C12orf56: variants seen among roughly 807,000 people sequenced by gnomAD.
C12orf56 encodes the protein uncharacterized protein C12orf56.
A neutral mutation model predicts 69.9 loss-of-function variants in C12orf56; 71 were observed. The ratio of observed to expected loss-of-function variants is 1.02; its 90% CI spans 0.84 to 1.24. The LOEUF (loss-of-function observed/expected upper bound fraction) is 1.24. Ranked by LOEUF, C12orf56 falls within the 50% of genes most tolerant of loss-of-function variation. C12orf56 has a pLI of 0.00. For synonymous variants in C12orf56, 276 were observed against 274.1 expected (o/e 1.01, Z -0.07); for missense variants, 732 against 738.5 (o/e 0.99, Z 0.10).
chr12:64,357,596 T>G (rs1043646125), intron 1 of C12orf56, among the ~76,000 whole-genome samples: 1 of 152,002 alleles, frequency 6.6e-6, no homozygotes, highest in Admixed American at 6.6e-5. Context: ...TTACTTTTTT[T>G]TGTAGAGATG....
At chr12:64,361,359 T>C (rs2039397951) in intron 1 of C12orf56, among the ~76,000 whole-genome samples, 1 of 152,182 alleles carries the variant, frequency 6.6e-6, no homozygotes, top group Non-Finnish European at 1.5e-5. Flanking sequence ...GGCTGAGACC[T>C]GCTGGGCCAC....
chr12:64,343,635 A>T (rs1487420987), intron 2 of C12orf56, among the ~76,000 whole-genome samples: 1 of 152,224 alleles, frequency 6.6e-6, no homozygotes, highest in African/African-American at 2.4e-5. Flanking sequence ...CACTTGGTTA[A>T]GCTTACAATA....
At position 64,267,031 on chromosome 12, in the gene C12orf56, A is replaced by T. The variant is rs906140942; in HGVS notation, c.*152T>A. Reference sequence around the variant, plus strand: ...TTAAAATTTTAAACTTCTCATAGAGAGGTATTGATGGAACATTCAATTAAA... The same window carrying T: ...TTAAAATTTTAAACTTCTCATAGAGTGGTATTGATGGAACATTCAATTAAA... On this transcript the variant is annotated 3_prime_UTR_variant, in exon 13 of 13. Coordinates refer to ENST00000543942, the MANE Select transcript of C12orf56 (RefSeq NM_001170633.2). The T allele has an allele frequency of 3.2e-5, 18 of 565,574 alleles. No individual in the cohort carries two copies. The highest frequency in any genetic ancestry group is 4.2e-5 in the Non-Finnish European group (14 of 330,908). 35.0% of individuals were successfully genotyped at this position (565,574 alleles called of 1,614,324 possible).
At chr12:64,356,512 G>C (rs934916774) in intron 1 of C12orf56, among the ~76,000 whole-genome samples, 2 of 152,172 alleles carry the variant, frequency 1.3e-5, no homozygotes, top group African/African-American at 4.8e-5. Flanking sequence ...TGTTGGCTAG[G>C]GTTGGACCGC....
chr12:64,338,570 A>C, intron 2 of C12orf56: 2 of 1,532,338 alleles, frequency 1.3e-6, no homozygotes, highest in Admixed American at 1.7e-5. Context: ...TTGATTCATC[A>C]AATTGGACAT....
chr12:64,281,821 TA>T (rs1421826923), intron 8 of C12orf56, among the ~76,000 whole-genome samples: 12 of 151,930 alleles, frequency 7.9e-5, no homozygotes, highest in African/African-American at 2.9e-4. Flanking sequence ...ACAAAACAAT[TA>T]AAGGCAACGC....
At chr12:64,307,338 A>G (rs1027926250) in intron 5 of C12orf56, among the ~76,000 whole-genome samples, 46 of 150,226 alleles carry the variant, frequency 3.1e-4, no homozygotes, top group Non-Finnish European at 5.0e-4. Flanking sequence ...AAAATTATCA[A>G]ACATTCTTTG....
chr12:64,321,715 C>G (rs1045723291), intron 3 of C12orf56, among the ~76,000 whole-genome samples: 2 of 152,170 alleles, frequency 1.3e-5, no homozygotes, highest in African/African-American at 4.8e-5. Context: ...ACAGTAAAAG[C>G]TGTAAATACA....
chr12:64,297,679 T>A (rs2038385088), intron 6 of C12orf56, among the ~76,000 whole-genome samples: 2 of 152,168 alleles, frequency 1.3e-5, no homozygotes, highest in Admixed American at 6.5e-5. Flanking sequence ...AGAATGATGG[T>A]TTCCAGCTTC....
chr12:64,320,629 T>C (rs948094720), intron 3 of C12orf56, among the ~76,000 whole-genome samples: 1 of 152,124 alleles, frequency 6.6e-6, no homozygotes, highest in African/African-American at 2.4e-5. Flanking sequence ...AGAAAACAAG[T>C]TGGAGAAACT....
At chr12:64,350,303 A>T (rs1327751156) in intron 2 of C12orf56, among the ~76,000 whole-genome samples, 1 of 152,158 alleles carries the variant, frequency 6.6e-6, no homozygotes, top group Admixed American at 6.6e-5. Context: ...ACAAAATATG[A>T]CCTGTACCCC....
At chr12:64,301,417 G>C (rs1444179110) in intron 6 of C12orf56, among the ~76,000 whole-genome samples, 1 of 152,090 alleles carries the variant, frequency 6.6e-6, no homozygotes, top group Non-Finnish European at 1.5e-5. Context: ...CAAGTTTATT[G>C]GCAGTCTGAA....
rs2038037005 is a variant in C12orf56 at position 64,275,292 on chromosome 12, T to A, written c.1509+6A>T. ...TATGTAAAAATATAATTTTTAAAAA[T>A]TGTACCTGCTGAAAGACCAGAAGTA... On this transcript the variant is annotated splice_donor_region_variant and intron_variant, in intron 10 of 12. Transcript: ENST00000543942. 7.6e-7 allele frequency: 1 copy of A among 1,321,494 alleles called. No homozygotes were observed. Among genetic ancestry groups the A allele is most frequent in the East Asian group, 2.6e-5 (1 of 38,178 alleles). The allele number at this position is 1,321,494 out of a possible 1,614,324, so 81.9% of individuals were successfully genotyped here. A position where few individuals can be genotyped will look rare whatever the true frequency, so the allele number is the denominator to read the frequency against.
rs146026265 is a variant in C12orf56 at position 64,303,965 on chromosome 12, C to T, written c.969-186G>A. On this transcript the variant is annotated intron_variant, in intron 5 of 12. Transcript: ENST00000543942. ...TCCCCACAAATTGAACTGTTTATTA[C>T]GCTCCAAACATACTTTTTTGCCCGT... Among the ~76,000 whole-genome samples the T allele has an allele frequency of 7.4e-4, 113 of 152,288 alleles. 1 individual carries two copies. In the East Asian group the frequency reaches 0.013, roughly 18 times the overall value.
At chr12:64,312,334 C>T (rs766748839) in intron 5 of C12orf56, among the ~76,000 whole-genome samples, 1 of 151,990 alleles carries the variant, frequency 6.6e-6, no homozygotes, top group Non-Finnish European at 1.5e-5. Context: ...GGGCCGGGCA[C>T]GGTGGCTCGC....
chr12:64,323,188 A>C (rs1445009704), intron 3 of C12orf56, among the ~76,000 whole-genome samples: 1 of 152,174 alleles, frequency 6.6e-6, no homozygotes, highest in Non-Finnish European at 1.5e-5. Flanking sequence ...TCAGAGAAGG[A>C]GACAGGGACT....
intron 2 of C12orf56, among the ~76,000 whole-genome samples, chr12:64,337,854 C>CA (rs748434656): frequency 0.12 from 10,882 of 90,476 alleles, 607 homozygotes; most frequent in Non-Finnish European, 0.14. Flanking sequence ...AAAATTCTGT[C>CA]AAAAAAAAAA....
chr12:64,367,380 T>C (rs545752690), intron 1 of C12orf56, among the ~76,000 whole-genome samples: 1 of 146,098 alleles, frequency 6.8e-6, no homozygotes, highest in Non-Finnish European at 1.5e-5. Flanking sequence ...TTAGTTTATA[T>C]ATACAAATAT....
Position 64,266,663 on chromosome 12 carries a change from A to T in C12orf56, c.*520T>A. ...TGAAGAGCATGCTCCTGTGCCTGGC[A>T]TGGTTTCACCGAGAACACTGTGCCC... is the stretch of plus-strand genomic sequence containing the variant. On this transcript the variant is annotated 3_prime_UTR_variant, in exon 13 of 13. Transcript: ENST00000543942. The T allele has an allele frequency of 1.1e-6, 1 of 881,232 alleles. No individual in the cohort carries two copies. The allele number at this position is 881,232 out of a possible 1,614,324, so 54.6% of individuals were successfully genotyped here. A position where few individuals can be genotyped will look rare whatever the true frequency, so the allele number is the denominator to read the frequency against.
Sources: allele counts gnomAD v4.1 joint callset (sites outside exome capture counted in the v4.1 genomes callset), GRCh38; gene constraint gnomAD v4.1.1; transcripts MANE v1.5; gene names NCBI Gene and HGNC (gene_info 2026-07-23, HGNC 2026-07-21).